Variants in FBXO16 observed in about 807,000 individuals in gnomAD.
FBXO16 encodes F-box only protein 16.
A neutral mutation model predicts 41.0 loss-of-function variants in FBXO16; 31 were observed. That is an observed-to-expected ratio of 0.76 (90% CI 0.57 to 1.02). FBXO16 has a LOEUF of 1.02. Among genes scored for constraint, FBXO16 ranks in the 50% least tolerant of loss-of-function variants. The pLI is 0.00. For missense variants in FBXO16, 361 were observed against 346.2 expected, an observed-to-expected ratio of 1.04 and a Z score of -0.34; for synonymous variants, 133 against 117.8, an observed-to-expected ratio of 1.13 and a Z score of -0.84.
intron 2 of FBXO16, among the ~76,000 whole-genome samples, chr8:28,482,258 G>A (rs950454361): frequency 2.0e-5 from 3 of 152,158 alleles, no homozygotes; most frequent in African/African-American, 7.2e-5. Flanking sequence ...AGAATTTCTG[G>A]CTTGATTGAC....
In FBXO16 at chr8:28,429,413, A is replaced by G; in HGVS notation, c.844-10T>C. ...GATTTCTCCTCGACATCTGGCCGCG[A>G]GCAGGAAAGGGAAGAGAATGGAGAG... On this transcript the variant is annotated splice_polypyrimidine_tract_variant and intron_variant, in intron 7 of 8. Transcript: ENST00000380254. 6.2e-7 allele frequency: 1 copy of G among 1,613,954 alleles called. No individual in the cohort carries two copies. Among genetic ancestry groups the G allele is most frequent in the Non-Finnish European group, 8.5e-7 (1 of 1,179,886 alleles).
At chr8:28,479,934 C>G (rs1234775314) in intron 2 of FBXO16, among the ~76,000 whole-genome samples, 1 of 151,154 alleles carries the variant, frequency 6.6e-6, no homozygotes, top group Non-Finnish European at 1.5e-5. Context: ...TGAGGTCGCA[C>G]TATGTTGCCC....
At chr8:28,443,426 A>G (rs1241709721) in intron 7 of FBXO16, among the ~76,000 whole-genome samples, 1 of 152,100 alleles carries the variant, frequency 6.6e-6, no homozygotes, top group Admixed American at 6.6e-5. Context: ...TCAAGTGTTC[A>G]GGTCTCAGGT....
chr8:28,470,293 C>CTTTTT (rs1803313719), intron 3 of FBXO16, among the ~76,000 whole-genome samples: 1 of 152,156 alleles, frequency 6.6e-6, no homozygotes, highest in South Asian at 2.1e-4. Context: ...TTTGTCTTCT[C>CTTTTT]ATTCAGTCAT....
intron 7 of FBXO16, among the ~76,000 whole-genome samples, chr8:28,430,908 G>GC (rs1802595804): frequency 6.6e-6 from 1 of 152,098 alleles, no homozygotes; most frequent in African/African-American, 2.4e-5. Flanking sequence ...GGAGGCAGAG[G>GC]TGACAGTGAG....
At chr8:28,431,885 G>A (rs559088870) in intron 7 of FBXO16, among the ~76,000 whole-genome samples, 2 of 151,922 alleles carry the variant, frequency 1.3e-5, no homozygotes, top group South Asian at 2.1e-4. Flanking sequence ...AGCATTCAGC[G>A]AAAAATCTCC....
intron 3 of FBXO16, among the ~76,000 whole-genome samples, chr8:28,468,759 G>T (rs1174652342): frequency 1.3e-5 from 2 of 151,198 alleles, no homozygotes; most frequent in Non-Finnish European, 2.9e-5. Context: ...GAGGTGGGAG[G>T]ATCACTTGAG....
Position 28,467,197 on chromosome 8 carries a change from A to G in FBXO16, c.136-3379T>C, listed in dbSNP as rs75635571. 7.9e-4 allele frequency among the ~76,000 whole-genome samples: 120 copies of G among 152,282 alleles called. 4 individuals are homozygous for G. In the East Asian group the frequency reaches 0.023, roughly 29 times the overall value. ...ATGATTACGGTTACAAAAAATTTTC[A>G]TAAGATATTATGGCTGCCACAACAA... On this transcript the variant is annotated intron_variant, in intron 3 of 8. Coordinates refer to ENST00000380254, the MANE Select transcript of FBXO16 (RefSeq NM_172366.4).
chr8:28,428,669 A>C lies in FBXO16; in HGVS notation c.*58T>G, dbSNP rs780099040. 2 of 1,569,068 alleles carry C rather than the reference A, an allele frequency of 1.3e-6. No individual in the cohort carries two copies. The highest frequency in any genetic ancestry group is 1.7e-6 in the Non-Finnish European group (2 of 1,157,468). ...TGTGGTGGCAGTGTCTGGGAGTCCC[A>C]CTGACTCAGGGGGAGGCCAGGCGAG... On this transcript the variant is annotated 3_prime_UTR_variant, in exon 9 of 9. Coordinates refer to ENST00000380254, the MANE Select transcript of FBXO16 (RefSeq NM_172366.4).
chr8:28,472,436 AG>A (rs1341362645), intron 3 of FBXO16, among the ~76,000 whole-genome samples: 3 of 152,142 alleles, frequency 2.0e-5, no homozygotes, highest in Non-Finnish European at 4.4e-5. Flanking sequence ...TTGTGAGCAT[AG>A]AAGGCAGGAT....
At chr8:28,450,130 A>G (rs1802930139) in intron 6 of FBXO16, among the ~76,000 whole-genome samples, 1 of 152,186 alleles carries the variant, frequency 6.6e-6, no homozygotes, top group African/African-American at 2.4e-5. Context: ...ATAGAGACCA[A>G]TAGAATAGAA....
chr8:28,478,770 C>A (rs545208333), intron 2 of FBXO16, among the ~76,000 whole-genome samples: 1 of 148,744 alleles, frequency 6.7e-6, no homozygotes, highest in Non-Finnish European at 1.5e-5. Context: ...TGCAGTGAGC[C>A]GAGATCACGC....
chr8:28,471,187 T>C (rs1034059141), intron 3 of FBXO16, among the ~76,000 whole-genome samples: 10 of 152,226 alleles, frequency 6.6e-5, no homozygotes, highest in African/African-American at 2.4e-4. Flanking sequence ...TATTTGCTGT[T>C]GTACAGAACA....
intron 4 of FBXO16, among the ~76,000 whole-genome samples, chr8:28,461,384 C>T (rs1803131820): frequency 6.6e-6 from 1 of 152,200 alleles, no homozygotes; most frequent in Non-Finnish European, 1.5e-5. Context: ...TGTTTCCCCA[C>T]ATCCTCACCA....
chr8:28,479,186 A>C (rs148901146), intron 2 of FBXO16, among the ~76,000 whole-genome samples: 1 of 152,172 alleles, frequency 6.6e-6, no homozygotes, highest in Non-Finnish European at 1.5e-5. Flanking sequence ...CTTTACAACC[A>C]ATCTGAAGCA....
chr8:28,452,953 T>TGCCATCATCATCACCATC (rs1282896138), intron 5 of FBXO16, among the ~76,000 whole-genome samples: 1 of 151,702 alleles, frequency 6.6e-6, no homozygotes, highest in Admixed American at 6.6e-5. Context: ...TCATCATCAT[T>TGCCATCATCATCACCATC]GCCATCATCA....
chr8:28,455,894 C>A (rs1042596590), intron 5 of FBXO16: 4 of 152,098 alleles, frequency 2.6e-5, no homozygotes, highest in African/African-American at 7.2e-5. Context: ...AAAGCCTAAA[C>A]CAAAATAAGC....
chr8:28,486,572 A>C (rs1199696498), intron 1 of FBXO16, among the ~76,000 whole-genome samples: 1 of 151,944 alleles, frequency 6.6e-6, no homozygotes, highest in Non-Finnish European at 1.5e-5. Context: ...CTGTAATCCC[A>C]GCACTTGGGA....
chr8:28,433,567 T>G (rs1000161621), intron 7 of FBXO16, among the ~76,000 whole-genome samples: 2 of 152,242 alleles, frequency 1.3e-5, no homozygotes, highest in African/African-American at 2.4e-5. Flanking sequence ...TTTCCCTTCC[T>G]GGGCCGGAAG....
Sources: gnomAD v4.1 joint callset for allele counts (sites outside exome capture counted in the v4.1 genomes callset) on GRCh38, gnomAD v4.1.1 for gene constraint, MANE v1.5 for transcripts, NCBI Gene and HGNC (gene_info 2026-07-23, HGNC 2026-07-21) for gene names.